SPMIP11: variants seen among roughly 807,000 people sequenced by gnomAD.
The protein encoded by SPMIP11 is long intergenic non-protein coding RNA 935.
chr12:48,770,639 A>G, the SPMIP11 span: 1 of 865,272 alleles, frequency 1.2e-6, no homozygotes, highest in South Asian at 1.6e-5. Flanking sequence ...TTGATATAGG[A>G]GGTCAGAGGG....
the SPMIP11 span, among the ~76,000 whole-genome samples, chr12:48,742,008 G>A: frequency 6.6e-6 from 1 of 152,040 alleles, no homozygotes; most frequent in East Asian, 1.9e-4. Flanking sequence ...GTGTGAATCT[G>A]TTATTTCTGT....
chr12:48,751,664 T>G, the SPMIP11 span, among the ~76,000 whole-genome samples: 1 of 152,144 alleles, frequency 6.6e-6, no homozygotes, highest in African/African-American at 2.4e-5. Flanking sequence ...GGAGGCTAAC[T>G]CACACTAAGC....
At chr12:48,747,893 C>T in the SPMIP11 span, among the ~76,000 whole-genome samples, 2 of 152,070 alleles carry the variant, frequency 1.3e-5, no homozygotes, top group Non-Finnish European at 2.9e-5. Flanking sequence ...AGACACCTGT[C>T]GAGACAAAGG....
the SPMIP11 span, among the ~76,000 whole-genome samples, chr12:48,762,044 A>ATTC: frequency 8.4e-6 from 1 of 118,624 alleles, no homozygotes. Context: ...CTCTTATAAC[A>ATTC]TTCTTTTTTT....
At chr12:48,749,113 T>C in the SPMIP11 span, among the ~76,000 whole-genome samples, 3 of 151,498 alleles carry the variant, frequency 2.0e-5, no homozygotes, top group Non-Finnish European at 2.9e-5. Flanking sequence ...AATACAAAAA[T>C]TAGCTGGGCG....
chr12:48,747,162 TA>T, the SPMIP11 span, among the ~76,000 whole-genome samples: 1 of 152,194 alleles, frequency 6.6e-6, no homozygotes, highest in Admixed American at 6.5e-5. Context: ...TTTTATTTTT[TA>T]TTTTTTTTTG....
the SPMIP11 span, among the ~76,000 whole-genome samples, chr12:48,752,269 A>G: frequency 0.042 from 6,464 of 152,250 alleles, 470 homozygotes; most frequent in African/African-American, 0.15. Context: ...TACTCAAGAC[A>G]TACTTGCCAG....
the SPMIP11 span, among the ~76,000 whole-genome samples, chr12:48,734,868 G>A: frequency 7.2e-5 from 11 of 151,866 alleles, no homozygotes; most frequent in South Asian, 2.1e-4. Context: ...AGCCAGGTGC[G>A]GTGGCGGGCG....
At chr12:48,742,339 C>T in the SPMIP11 span, among the ~76,000 whole-genome samples, 1 of 135,174 alleles carries the variant, frequency 7.4e-6, no homozygotes, top group Non-Finnish European at 1.5e-5. Context: ...TGGAGTACAA[C>T]GGCACGATCT....
At chr12:48,744,134 G>A in the SPMIP11 span, among the ~76,000 whole-genome samples, 1 of 151,030 alleles carries the variant, frequency 6.6e-6, no homozygotes, top group African/African-American at 2.4e-5. Context: ...TGTAATCCCA[G>A]CTACTCAGGA....
At chr12:48,759,130 G>A in the SPMIP11 span, 1 of 684,156 alleles carries the variant, frequency 1.5e-6, no homozygotes, top group Non-Finnish European at 2.7e-6. Flanking sequence ...CTATGCATCT[G>A]GTTAGCATGG....
the SPMIP11 span, among the ~76,000 whole-genome samples, chr12:48,743,600 A>G: frequency 7.4e-4 from 112 of 152,194 alleles, no homozygotes; most frequent in African/African-American, 2.5e-3. Flanking sequence ...TGAGCTCAGG[A>G]GTTCAAGACC....
chr12:48,744,869 G>T, the SPMIP11 span, among the ~76,000 whole-genome samples: 1 of 151,528 alleles, frequency 6.6e-6, no homozygotes, highest in South Asian at 2.1e-4. Flanking sequence ...AAAAGGAAAA[G>T]AAAAGAAAGA....
At chr12:48,769,413 CAAAA>C in the SPMIP11 span, among the ~76,000 whole-genome samples, 1 of 38,844 alleles carries the variant, frequency 2.6e-5, no homozygotes, top group African/African-American at 8.4e-5. Context: ...ATCCCCATCT[CAAAA>C]AAAAAAAAAA....
At chr12:48,732,481 A>C in the SPMIP11 span, among the ~76,000 whole-genome samples, 3 of 151,876 alleles carry the variant, frequency 2.0e-5, no homozygotes, top group Non-Finnish European at 2.9e-5. Context: ...TATATGATGA[A>C]AGTTGAGGCC....
the SPMIP11 span, among the ~76,000 whole-genome samples, chr12:48,748,995 C>T: frequency 6.6e-6 from 1 of 152,194 alleles, no homozygotes; most frequent in Non-Finnish European, 1.5e-5. Flanking sequence ...AGCCCAGTGG[C>T]TCACACCTGT....
chr12:48,741,052 T>C, the SPMIP11 span, among the ~76,000 whole-genome samples: 1 of 151,584 alleles, frequency 6.6e-6, no homozygotes, highest in African/African-American at 2.4e-5. Flanking sequence ...TCCTCCACCT[T>C]CGTTTCATGA....
the SPMIP11 span, among the ~76,000 whole-genome samples, chr12:48,747,830 T>C: frequency 0.029 from 4,346 of 152,308 alleles, 221 homozygotes; most frequent in African/African-American, 0.099. Context: ...GTGAGACACA[T>C]AGGCTGACTT....
the SPMIP11 span, among the ~76,000 whole-genome samples, chr12:48,764,140 G>A: frequency 2.6e-5 from 4 of 150,958 alleles, no homozygotes; most frequent in Non-Finnish European, 5.9e-5. Flanking sequence ...GCACCACCAC[G>A]CCCGGCTAAT....
Sources: gnomAD v4.1 joint callset for allele counts (sites outside exome capture counted in the v4.1 genomes callset) on GRCh38, gnomAD v4.1.1 for gene constraint, MANE v1.5 for transcripts, NCBI Gene and HGNC (gene_info 2026-07-23, HGNC 2026-07-21) for gene names.